MTMR8: variants seen among roughly 807,000 people sequenced by gnomAD.
MTMR8 encodes the protein myotubularin related protein 8, also known as phosphatidylinositol-3,5-bisphosphate 3-phosphatase MTMR8.
In MTMR8, 65 loss-of-function variants were observed where a neutral mutation model predicts 39.3. The ratio of observed to expected loss-of-function variants is 1.65; its 90% CI spans 1.35 to 2.03. The LOEUF (loss-of-function observed/expected upper bound fraction) is 2.03. Among genes scored for constraint, MTMR8 ranks in the 30% most tolerant of loss-of-function variants. MTMR8 has a pLI of 0.00. For synonymous variants in MTMR8, 245 were observed against 185.2 expected (o/e 1.32, Z -2.62); for missense variants, 777 against 538.9 (o/e 1.44, Z -4.37).
chrX:64,305,188 A>C (rs1439154040), intron 12 of MTMR8: 2 of 192,933 alleles, frequency 1.0e-5, no homozygotes, highest in Non-Finnish European at 2.1e-5. Context: ...TAATTTGTAG[A>C]TGTCTCCATT....
intron 6 of MTMR8, among the ~76,000 whole-genome samples, chrX:64,347,477 C>A (rs1923374478): frequency 8.9e-6 from 1 of 111,837 alleles, no homozygotes; most frequent in African/African-American, 3.2e-5. Flanking sequence ...AAATTATTTT[C>A]TCTCCTGAGC....
At chrX:64,358,025 C>A (rs1923672174) in intron 2 of MTMR8, among the ~76,000 whole-genome samples, 1 of 111,562 alleles carries the variant, frequency 9.0e-6, no homozygotes, top group Middle Eastern at 4.6e-3. Flanking sequence ...CAGATACAGT[C>A]CACTGGGTTT....
intron 12 of MTMR8, among the ~76,000 whole-genome samples, chrX:64,313,639 T>C (rs764186084): frequency 2.0e-3 from 220 of 112,676 alleles, no homozygotes; most frequent in Non-Finnish European, 3.2e-3. Flanking sequence ...GTGAGAAACA[T>C]GTGACTCTTC....
chrX:64,275,619 G>A (rs1931855721), intron 12 of MTMR8, among the ~76,000 whole-genome samples: 1 of 97,078 alleles, frequency 1.0e-5, no homozygotes, highest in African/African-American at 4.0e-5. Flanking sequence ...CGTCCAGTCT[G>A]CAGCCAGGCC....
intron 12 of MTMR8, among the ~76,000 whole-genome samples, chrX:64,282,120 T>C (rs1932029205): frequency 1.8e-5 from 2 of 111,335 alleles, no homozygotes; most frequent in South Asian, 3.8e-4. Context: ...ACACTGTTGC[T>C]GGGAATGTAA....
chrX:64,341,058 C>T (rs988298575), intron 8 of MTMR8, among the ~76,000 whole-genome samples: 6 of 111,886 alleles, frequency 5.4e-5, no homozygotes, highest in South Asian at 7.4e-4. Flanking sequence ...TCTGCATTAG[C>T]GAAAAATTAG....
Position 64,271,077 on chromosome X carries a change from A to G in MTMR8, c.1482-4T>C. On this transcript the variant is annotated splice_polypyrimidine_tract_variant and splice_region_variant and intron_variant, in intron 12 of 13. Coordinates refer to ENST00000374852, the MANE Select transcript of MTMR8 (RefSeq NM_017677.4). ...GTTATACATCCCACACCAGAACCTC[A>G]AATAGACAAAAATGGGGGGAAAAGT... The G allele has an allele frequency of 8.5e-7, 1 of 1,181,263 alleles. No individual in the cohort carries two copies. Among genetic ancestry groups the G allele is most frequent in the Non-Finnish European group, 1.1e-6 (1 of 881,791 alleles).
At chrX:64,370,613 A>G (rs946243481) in intron 1 of MTMR8, among the ~76,000 whole-genome samples, 2 of 111,823 alleles carry the variant, frequency 1.8e-5, no homozygotes, top group African/African-American at 6.5e-5. Context: ...AGGCCTTGAT[A>G]CTTTCTCTTA....
chrX:64,292,953 G>A (rs182429772), intron 12 of MTMR8, among the ~76,000 whole-genome samples: 73 of 111,215 alleles, frequency 6.6e-4, no homozygotes, highest in Non-Finnish European at 1.1e-3. Context: ...GGATTTTTAC[G>A]GCTTGGCTTG....
chrX:64,330,553 G>T (rs780684244), intron 11 of MTMR8, among the ~76,000 whole-genome samples: 7 of 111,702 alleles, frequency 6.3e-5, no homozygotes, highest in Non-Finnish European at 1.1e-4. Context: ...CTTTTTCTCT[G>T]TCTCTAACAT....
intron 1 of MTMR8, among the ~76,000 whole-genome samples, chrX:64,392,779 G>A (rs1924723136): frequency 9.0e-6 from 1 of 111,362 alleles, no homozygotes; most frequent in African/African-American, 3.3e-5. Context: ...AAAAATAAAA[G>A]TCACTTTTGT....
chrX:64,312,537 T>C (rs1922343859), intron 12 of MTMR8, among the ~76,000 whole-genome samples: 2 of 112,316 alleles, frequency 1.8e-5, no homozygotes, highest in South Asian at 7.4e-4. Context: ...GAAGTCAAAT[T>C]GTCCCTGTTT....
chrX:64,316,935 A>T (rs1255549979), intron 12 of MTMR8, among the ~76,000 whole-genome samples: 2 of 108,188 alleles, frequency 1.8e-5, no homozygotes, highest in African/African-American at 6.7e-5. Context: ...ACATAGCAAA[A>T]TCCCGTCTCT....
chrX:64,348,070 C>T (rs891282069), intron 6 of MTMR8, among the ~76,000 whole-genome samples: 11 of 111,203 alleles, frequency 9.9e-5, no homozygotes, highest in East Asian at 5.6e-4. Context: ...TTCTCTGGGA[C>T]GAAGATTTAA....
intron 12 of MTMR8, among the ~76,000 whole-genome samples, chrX:64,278,460 G>GTTTTTTTTTTTT (rs56132040): frequency 4.0e-5 from 1 of 24,695 alleles, no homozygotes; most frequent in Non-Finnish European, 8.1e-5. Context: ...TATTTTGCTG[G>GTTTTTTTTTTTT]TTTTTTTTTT....
intron 1 of MTMR8, among the ~76,000 whole-genome samples, chrX:64,393,731 C>G (rs1045164168): frequency 1.8e-5 from 2 of 111,642 alleles, no homozygotes; most frequent in African/African-American, 3.3e-5. Context: ...GGCTTTTACA[C>G]GGGATGTGGT....
chrX:64,322,832 G>A (rs1348005299), intron 12 of MTMR8, among the ~76,000 whole-genome samples: 2 of 112,679 alleles, frequency 1.8e-5, no homozygotes, highest in African/African-American at 6.4e-5. Context: ...GGTGACTGCA[G>A]CAACCAACCC....
chrX:64,302,371 C>T (rs1388480446), intron 12 of MTMR8, among the ~76,000 whole-genome samples: 1 of 112,567 alleles, frequency 8.9e-6, no homozygotes, highest in Non-Finnish European at 1.9e-5. Flanking sequence ...GGAAAGGGAA[C>T]TCCCCGACCC....
intron 9 of MTMR8, 78 bp downstream of exon 9, chrX:64,337,189 AT>A (rs1923098935): frequency 1.5e-5 from 16 of 1,083,199 alleles, no homozygotes; most frequent in East Asian, 6.2e-5. Flanking sequence ...GGCAAAAAAA[AT>A]ATTGTTTGAC....
Sources: gnomAD v4.1 joint callset for allele counts (sites outside exome capture counted in the v4.1 genomes callset) on GRCh38, gnomAD v4.1.1 for gene constraint, MANE v1.5 for transcripts, NCBI Gene and HGNC (gene_info 2026-07-23, HGNC 2026-07-21) for gene names.